Variants in LAMA2 observed in about 807,000 individuals in gnomAD.
LAMA2 encodes the protein laminin subunit alpha 2, also known as laminin subunit alpha-2.
LAMA2 carries 269 observed loss-of-function variants against 364.8 expected under a neutral mutation model. That is an observed-to-expected ratio of 0.74 (90% CI 0.67 to 0.82). The LOEUF (loss-of-function observed/expected upper bound fraction) is 0.82. Ranked by LOEUF, LAMA2 falls within the 40% of genes least tolerant of loss-of-function variation. The pLI is 0.00. For missense variants in LAMA2, 3,807 were observed against 3,873.2 expected (o/e 0.98, Z 0.45); for synonymous variants, 1,379 against 1,370.6 (o/e 1.01, Z -0.14).
chr6:129,262,344 G>A (rs1236454061), intron 15 of LAMA2, among the ~76,000 whole-genome samples: 5 of 151,964 alleles, frequency 3.3e-5, no homozygotes, highest in Admixed American at 6.6e-5. Flanking sequence ...TTAAGGGAGA[G>A]GTATGTGCTA....
At chr6:129,261,503 T>C (rs952244347) in intron 15 of LAMA2, among the ~76,000 whole-genome samples, 1 of 152,144 alleles carries the variant, frequency 6.6e-6, no homozygotes, top group Admixed American at 6.6e-5. Flanking sequence ...AGAAAACTGG[T>C]GTGAAACTGG....
At chr6:129,336,882 C>G (rs530665739) in intron 29 of LAMA2, among the ~76,000 whole-genome samples, 1 of 152,184 alleles carries the variant, frequency 6.6e-6, no homozygotes, top group Non-Finnish European at 1.5e-5. Context: ...TGGATGATAT[C>G]TATCAAATAT....
chr6:128,917,799 T>A, intron 1 of LAMA2, among the ~76,000 whole-genome samples: 1 of 143,546 alleles, frequency 7.0e-6, no homozygotes, highest in Admixed American at 7.4e-5. Context: ...AGTGGCAGGA[T>A]CATGGCTTAT....
At chr6:129,207,381 A>C (rs1363684279) in intron 12 of LAMA2, among the ~76,000 whole-genome samples, 2 of 152,120 alleles carry the variant, frequency 1.3e-5, no homozygotes, top group African/African-American at 4.8e-5. Context: ...GTTAAGTAAA[A>C]TTTCAGAATA....
At chr6:129,159,017 A>T (rs986719471) in intron 8 of LAMA2, 11 of 1,583,686 alleles carry the variant, frequency 6.9e-6, no homozygotes, top group African/African-American at 5.4e-5. Flanking sequence ...GTCTGATTTC[A>T]TCCCAGTGCC....
intron 62 of LAMA2, 37 bp from the exon 63 acceptor site, chr6:129,512,326 C>A (rs1253556072): frequency 6.9e-6 from 11 of 1,602,818 alleles, no homozygotes; most frequent in African/African-American, 1.3e-5. Context: ...AATCCCCATC[C>A]TCTAATCCAA....
At chr6:129,427,656 C>T in intron 40 of LAMA2, 96 bp from the exon 41 acceptor site, 1 of 860,312 alleles carries the variant, frequency 1.2e-6, no homozygotes, top group Non-Finnish European at 2.0e-6. Context: ...AGAGCTCTTT[C>T]CTAAAGGCAA....
At chr6:129,289,628 G>A (rs6917996) in intron 19 of LAMA2, among the ~76,000 whole-genome samples, 151,552 of 152,242 alleles carry the variant, frequency 1, 75,438 homozygotes, top group Middle Eastern at 1. Context: ...GTAATTTATT[G>A]TGGGATTATT....
At chr6:129,291,352 G>A (rs549881533) in intron 19 of LAMA2, among the ~76,000 whole-genome samples, 1 of 152,118 alleles carries the variant, frequency 6.6e-6, no homozygotes, top group African/African-American at 2.4e-5. Context: ...AAATTGGAAT[G>A]ATGATGATGA....
intron 9 of LAMA2, among the ~76,000 whole-genome samples, chr6:129,170,633 T>C (rs1780077218): frequency 6.6e-6 from 1 of 151,260 alleles, no homozygotes; most frequent in East Asian, 1.9e-4. Context: ...AAAAAATGTA[T>C]ATTCTGTTGA....
chr6:129,088,520 G>A (rs1418353207), intron 3 of LAMA2, among the ~76,000 whole-genome samples: 2 of 150,932 alleles, frequency 1.3e-5, no homozygotes, highest in East Asian at 2.0e-4. Context: ...CTGGCCAGGC[G>A]GGGGCTGCCC....
chr6:129,013,435 T>A (rs929486743), intron 1 of LAMA2, among the ~76,000 whole-genome samples: 1 of 145,442 alleles, frequency 6.9e-6, no homozygotes, highest in Non-Finnish European at 1.5e-5. Flanking sequence ...AGACTCCATC[T>A]CAAAAAAAAA....
At chr6:129,004,614 C>T (rs938485735) in intron 1 of LAMA2, among the ~76,000 whole-genome samples, 13 of 152,068 alleles carry the variant, frequency 8.5e-5, no homozygotes, top group Non-Finnish European at 1.5e-4. Context: ...AGTAAACACA[C>T]GTTGACTTAA....
intron 1 of LAMA2, among the ~76,000 whole-genome samples, chr6:128,934,549 TGGAGTGCAATGG>T (rs1391427882): frequency 2.0e-5 from 3 of 152,034 alleles, no homozygotes; most frequent in Non-Finnish European, 4.4e-5. Flanking sequence ...TCGCTCAAGG[TGGAGTGCAATGG>T]TGCAATCTCA....
chr6:129,235,047 A>G (rs898876532), intron 12 of LAMA2, among the ~76,000 whole-genome samples: 3 of 152,180 alleles, frequency 2.0e-5, no homozygotes, highest in Non-Finnish European at 4.4e-5. Flanking sequence ...AAATGTTAAG[A>G]AGATAATTTT....
At chr6:129,505,154 G>A (rs778545518) in intron 60 of LAMA2, 46 bp from the exon 61 acceptor site, 1 of 1,556,090 alleles carries the variant, frequency 6.4e-7, no homozygotes, top group Non-Finnish European at 8.9e-7. Context: ...CTGCATATGT[G>A]AAATTTGTTC....
chr6:129,158,876 C>A, intron 8 of LAMA2: 1 of 1,612,928 alleles, frequency 6.2e-7, no homozygotes, highest in Admixed American at 1.7e-5. Context: ...GATGGCAAAG[C>A]AACGTCCATT....
intron 1 of LAMA2, chr6:128,929,864 C>A: frequency 1.0e-6 from 1 of 983,036 alleles, no homozygotes; most frequent in Non-Finnish European, 1.6e-6. Context: ...TGAAGACTTC[C>A]ACGAGTGAAG....
At chr6:129,160,232 T>A (rs962125556) in intron 8 of LAMA2, among the ~76,000 whole-genome samples, 1 of 152,140 alleles carries the variant, frequency 6.6e-6, no homozygotes, top group Non-Finnish European at 1.5e-5. Context: ...TCTCTAGTTT[T>A]CTTCGTGCAT....
Sources: gnomAD v4.1 joint callset for allele counts (sites outside exome capture counted in the v4.1 genomes callset) on GRCh38, gnomAD v4.1.1 for gene constraint, MANE v1.5 for transcripts, NCBI Gene and HGNC (gene_info 2026-07-23, HGNC 2026-07-21) for gene names.